RASAL2: variants seen among roughly 807,000 people sequenced by gnomAD.
RASAL2 encodes the protein ras GTPase-activating protein nGAP.
Under a neutral mutation model 128.9 loss-of-function variants are expected in RASAL2, and 58 were observed. The ratio of observed to expected loss-of-function variants is 0.45; its 90% CI spans 0.36 to 0.56. RASAL2 has a LOEUF of 0.56. Ranked by LOEUF, RASAL2 falls within the 20% of genes least tolerant of loss-of-function variation. RASAL2 has a pLI of 0.00. For synonymous variants in RASAL2, 561 were observed against 580.8 expected (o/e 0.97, Z 0.49); for missense variants, 1,360 against 1,601.6 (o/e 0.85, Z 2.57).
chr1:178,149,377 T>C (rs1037528681), intron 1 of RASAL2, among the ~76,000 whole-genome samples: 4 of 152,160 alleles, frequency 2.6e-5, no homozygotes, highest in Non-Finnish European at 5.9e-5. Flanking sequence ...CATTTCTGGC[T>C]GTTGTACAAA....
At position 178,136,989 on chromosome 1, in the gene RASAL2, G is replaced by A. The variant is rs181949668; in HGVS notation, c.202+42295G>A. ...AGTGGGGATAAGATTGGAAAGGTAA[G>A]TAGGAGCCAGATCTTAAGGGCCTCT... On this transcript the variant is annotated intron_variant, in intron 1 of 17. Coordinates refer to ENST00000367649, the MANE Select transcript of RASAL2 (RefSeq NM_170692.4). Among the ~76,000 whole-genome samples the A allele has an allele frequency of 1.5e-3, 234 of 152,152 alleles. 1 individual carries two copies. Among genetic ancestry groups the A allele is most frequent in the African/African-American group, 5.4e-3 (224 of 41,540 alleles).
chr1:178,320,892 C>T (rs980534293), intron 3 of RASAL2, among the ~76,000 whole-genome samples: 3 of 152,150 alleles, frequency 2.0e-5, no homozygotes, highest in African/African-American at 7.2e-5. Flanking sequence ...CAAAATGGCA[C>T]ACTTGAGTTA....
At chr1:178,362,944 G>T (rs1671201008) in intron 3 of RASAL2, among the ~76,000 whole-genome samples, 1 of 151,934 alleles carries the variant, frequency 6.6e-6, no homozygotes. Flanking sequence ...AACTTGTATT[G>T]TGAATAATGT....
chr1:178,343,028 C>T (rs1669965644), intron 3 of RASAL2, among the ~76,000 whole-genome samples: 1 of 152,172 alleles, frequency 6.6e-6, no homozygotes, highest in Non-Finnish European at 1.5e-5. Flanking sequence ...AGAGGCCACA[C>T]TATTCTAGTG....
intron 1 of RASAL2, among the ~76,000 whole-genome samples, chr1:178,222,505 T>A (rs1222622798): frequency 6.6e-6 from 1 of 152,130 alleles, no homozygotes; most frequent in Admixed American, 6.6e-5. Flanking sequence ...ATTTTACAGA[T>A]ACTGCATGTA....
At chr1:178,148,832 A>G (rs1315934495) in intron 1 of RASAL2, among the ~76,000 whole-genome samples, 2 of 152,174 alleles carry the variant, frequency 1.3e-5, no homozygotes, top group African/African-American at 4.8e-5. Flanking sequence ...ATGAATATCA[A>G]TATGTAAATA....
chr1:178,208,411 A>C (rs1159960865), intron 1 of RASAL2, among the ~76,000 whole-genome samples: 1 of 152,156 alleles, frequency 6.6e-6, no homozygotes, highest in African/African-American at 2.4e-5. Flanking sequence ...TGTCTTATGC[A>C]GTTGAGATAA....
Position 178,308,706 on chromosome 1 carries a change from T to A in RASAL2, c.457+8588T>A, listed in dbSNP as rs564330324. 2.3e-4 allele frequency among the ~76,000 whole-genome samples: 35 copies of A among 151,748 alleles called. 1 individual carries two copies. The highest frequency in any genetic ancestry group is 7.5e-4 in the African/African-American group (31 of 41,212). On this transcript the variant is annotated intron_variant, in intron 3 of 17. Transcript: ENST00000367649. ...TACTACAGGCACTCACCACCATGCC[T>A]GGCTATTTTTTTTTTTAATTTATTC...
chr1:178,167,031 G>A (rs1186866799), intron 1 of RASAL2, among the ~76,000 whole-genome samples: 2 of 152,058 alleles, frequency 1.3e-5, no homozygotes, highest in African/African-American at 4.8e-5. Context: ...TCTGAGGAAG[G>A]TTATTACTCA....
At chr1:178,139,024 T>C (rs539174352) in intron 1 of RASAL2, among the ~76,000 whole-genome samples, 3 of 152,206 alleles carry the variant, frequency 2.0e-5, no homozygotes, top group Admixed American at 1.3e-4. Context: ...CTTGTTGTTA[T>C]AGATATATAA....
chr1:178,271,341 A>G (rs1666248794), intron 1 of RASAL2, among the ~76,000 whole-genome samples: 1 of 152,062 alleles, frequency 6.6e-6, no homozygotes, highest in South Asian at 2.1e-4. Context: ...CGTTCTCACT[A>G]CTTTTGTGGG....
At chr1:178,260,350 C>CAA (rs1243797175) in intron 1 of RASAL2, among the ~76,000 whole-genome samples, 3 of 436 alleles carry the variant, frequency 6.9e-3, no homozygotes, top group African/African-American at 0.013. Context: ...AGACTCGTCT[C>CAA]AAAAAAAAAA....
At chr1:178,319,370 A>G (rs1668639658) in intron 3 of RASAL2, among the ~76,000 whole-genome samples, 1 of 151,664 alleles carries the variant, frequency 6.6e-6, no homozygotes, top group Non-Finnish European at 1.5e-5. Context: ...GTTCTCCTGG[A>G]TAATATCCTG....
At chr1:178,100,258 A>G (rs1440342466) in intron 1 of RASAL2, among the ~76,000 whole-genome samples, 3 of 151,948 alleles carry the variant, frequency 2.0e-5, no homozygotes, top group Non-Finnish European at 4.4e-5. Flanking sequence ...GCTTATGCCC[A>G]TAATTCCAGC....
intron 3 of RASAL2, among the ~76,000 whole-genome samples, chr1:178,319,236 T>A (rs1245254260): frequency 6.6e-6 from 1 of 152,050 alleles, no homozygotes; most frequent in Non-Finnish European, 1.5e-5. Context: ...ATTTTTTCCT[T>A]CATTTCAACT....
At chr1:178,104,960 A>G (rs1279773546) in intron 1 of RASAL2, among the ~76,000 whole-genome samples, 1 of 152,206 alleles carries the variant, frequency 6.6e-6, no homozygotes, top group African/African-American at 2.4e-5. Context: ...TGTTTTAGGT[A>G]TTCTAAGAAG....
At chr1:178,170,691 A>C (rs559608328) in intron 1 of RASAL2, among the ~76,000 whole-genome samples, 1 of 151,406 alleles carries the variant, frequency 6.6e-6, no homozygotes, top group South Asian at 2.1e-4. Context: ...TTTTATATAT[A>C]TTATATATCC....
At chr1:178,303,207 G>A (rs1487260579) in intron 3 of RASAL2, among the ~76,000 whole-genome samples, 3 of 152,198 alleles carry the variant, frequency 2.0e-5, no homozygotes, top group Non-Finnish European at 2.9e-5. Context: ...TTGGAGTGGG[G>A]TGGGAATGAG....
rs537276621 is a variant in RASAL2 at position 178,256,359 on chromosome 1, AGGCC to A, written c.203-27204_203-27201del. On this transcript the variant is annotated intron_variant, in intron 1 of 17. Transcript: ENST00000367649. ...AATGGGAACTTTCTCAGCCTGATAA[AGGCC>A]ATCAACAAACATCTACAGCTAATAT... Among the ~76,000 whole-genome samples the A allele has an allele frequency of 3.3e-3, 496 of 152,320 alleles. 8 individuals carry two copies. The highest frequency in any genetic ancestry group is 0.011 in the African/African-American group (459 of 41,570).
Sources: gnomAD v4.1 joint callset for allele counts (sites outside exome capture counted in the v4.1 genomes callset) on GRCh38, gnomAD v4.1.1 for gene constraint, MANE v1.5 for transcripts, NCBI Gene and HGNC (gene_info 2026-07-23, HGNC 2026-07-21) for gene names.